The following GALNTL5 variants were observed in gnomAD, a reference collection of about 807,000 sequenced individuals.
The protein encoded by GALNTL5 is inactive polypeptide N-acetylgalactosaminyltransferase-like protein 5.
Under a neutral mutation model 51.0 loss-of-function variants are expected in GALNTL5, and 44 were observed. The ratio of observed to expected loss-of-function variants is 0.86; its 90% CI spans 0.68 to 1.11. GALNTL5 has a LOEUF of 1.11. Among genes scored for constraint, GALNTL5 ranks in the 50% least tolerant of loss-of-function variants. GALNTL5 has a pLI of 0.00. For synonymous variants in GALNTL5, 192 were observed against 182.8 expected, an observed-to-expected ratio of 1.05 and a Z score of -0.41; for missense variants, 528 against 531.8, an observed-to-expected ratio of 0.99 and a Z score of 0.07.
At chr7:151,988,880 A>G (rs2081393778) in intron 5 of GALNTL5, among the ~76,000 whole-genome samples, 1 of 151,812 alleles carries the variant, frequency 6.6e-6, no homozygotes, top group South Asian at 2.1e-4. Flanking sequence ...TTGTACTTCT[A>G]GTAGAGACGG....
intron 4 of GALNTL5, 109 bp from the exon 5 acceptor site, chr7:151,987,050 A>C (rs1586829503): frequency 1.0e-6 from 1 of 981,192 alleles, no homozygotes; most frequent in East Asian, 3.2e-5. Flanking sequence ...TTAAAGTTAG[A>C]ACTTCTGTGG....
intron 7 of GALNTL5, among the ~76,000 whole-genome samples, chr7:152,014,302 G>A (rs1274375954): frequency 5.9e-5 from 9 of 152,162 alleles, no homozygotes; most frequent in African/African-American, 1.4e-4. Flanking sequence ...ATGGAGTGTC[G>A]CTATGTTGCC....
In GALNTL5 at chr7:151,967,358, A is replaced by T. The variant is rs1279965962; in HGVS notation, c.112A>T (p.Lys38Ter). The T allele has an allele frequency of 6.2e-7, 1 of 1,614,194 alleles. No homozygotes were observed. The highest frequency in any genetic ancestry group is 8.5e-7 in the Non-Finnish European group (1 of 1,180,014). Reference protein sequence around the residue: ...HHNHVSSWQKKSQEPLSAWSP... With the variant: ...HHNHVSSWQK ...TAATCATGTGAGCAGCTGGCAGAAG[A>T]AAAGCCAGGAGCCTCTGTCAGCTTG... Residue 38 changes from lysine (K) to a stop codon, truncating the protein, a stop_gained, in exon 2 of 9, where the codon AAA (lysine) becomes TAA (stop). Transcript: ENST00000392800. LOFTEE classifies it high-confidence loss of function.
intron 1 of GALNTL5, among the ~76,000 whole-genome samples, chr7:151,962,968 A>AG (rs1190831827): frequency 2.0e-5 from 3 of 149,970 alleles, no homozygotes; most frequent in African/African-American, 7.6e-5. Flanking sequence ...GTAGTTTCCC[A>AG]AAAAAAAGAA....
intron 3 of GALNTL5, among the ~76,000 whole-genome samples, chr7:151,972,255 T>G (rs2151941553): frequency 6.6e-6 from 1 of 152,286 alleles, no homozygotes; most frequent in Non-Finnish European, 1.5e-5. Context: ...TGTTGAGAAA[T>G]GGAGTAAAGG....
rs141939181 is a variant in GALNTL5, at chr7:151,969,661, T to C, written c.248-1284T>C. On this transcript the variant is annotated intron_variant, in intron 2 of 8. Coordinates refer to ENST00000392800, the MANE Select transcript of GALNTL5 (RefSeq NM_145292.4). Reference sequence around the variant, plus strand: ...TCAAGTATGTTCTTTAGGGTCTTTCTGCTGCATTTTATTGCAGCCCACAAT... The same window carrying C: ...TCAAGTATGTTCTTTAGGGTCTTTCCGCTGCATTTTATTGCAGCCCACAAT... Among the ~76,000 whole-genome samples the C allele has an allele frequency of 4.8e-3, 733 of 152,310 alleles. 8 individuals carry two copies. The highest frequency in any genetic ancestry group is 0.016 in the African/African-American group (651 of 41,558).
chr7:151,981,174 AC>A (rs1327347044), intron 3 of GALNTL5, among the ~76,000 whole-genome samples: 9 of 152,256 alleles, frequency 5.9e-5, no homozygotes, highest in African/African-American at 2.2e-4. Flanking sequence ...GTAAAGTCCC[AC>A]CAGTTTCTCC....
chr7:151,967,415 A>G lies in GALNTL5; in HGVS notation c.169A>G (p.Ile57Val). Residue 57 changes from isoleucine (I) to valine (V), a missense_variant, in exon 2 of 9, where the codon ATC becomes GTC. Transcript: ENST00000392800. ...TGGAAAAAAAGTGCATCAGCAAATT[A>G]TCTATGGCTCAGAGCAAATACCAAA... ...SPGKKVHQQI[I>V]YGSEQIPKPH... is the part of the protein sequence containing the mutation. The G allele has an allele frequency of 6.2e-7, 1 of 1,614,176 alleles. No homozygotes were observed. The highest frequency in any genetic ancestry group is 8.5e-7 in the Non-Finnish European group (1 of 1,180,016).
rs368140532 is a variant in GALNTL5, at chr7:152,012,055, G to A, written c.1027-2589G>A. ...TGATTATCATTCTAGGAGTAGCAGC[G>A]ACTCACAGCATATCCTTCTCATGCT... On this transcript the variant is annotated intron_variant, in intron 7 of 8. Transcript: ENST00000392800. Among the ~76,000 whole-genome samples the A allele has an allele frequency of 3.3e-4, 50 of 152,294 alleles. 2 individuals are homozygous for A. The South Asian group carries it at 9.7e-3, about 30-fold the overall frequency.
Position 151,970,820 on chromosome 7 carries a change from A to C in GALNTL5, c.248-125A>C. 4.1e-6 allele frequency: 3 copies of C among 722,976 alleles called. No homozygotes were observed. In the Admixed American group the frequency reaches 9.4e-5, roughly 23 times the overall value. 44.8% of individuals were successfully genotyped at this position (722,976 alleles called of 1,614,324 possible). A position where few individuals can be genotyped will look rare whatever the true frequency, so the allele number is the denominator to read the frequency against. On this transcript the variant is annotated intron_variant, in intron 2 of 8. Coordinates refer to ENST00000392800, the MANE Select transcript of GALNTL5 (RefSeq NM_145292.4). ...AAGAATTATTTGACCATTTTTGCAC[A>C]GATCGATTTCCGAATTCTATTCTGG... is the stretch of plus-strand genomic sequence containing the variant.
At chr7:151,981,575 TTCCTTCCTTCCTTCCC>T (rs1395296297) in intron 3 of GALNTL5, among the ~76,000 whole-genome samples, 4,672 of 29,348 alleles carry the variant, frequency 0.16, 125 homozygotes, top group South Asian at 0.21. Flanking sequence ...CCTTCCTTCC[TTCCTTCCTTCCTTCCC>T]TCCTTCCTTC....
chr7:152,000,423 G>C (rs2081558325), intron 5 of GALNTL5, among the ~76,000 whole-genome samples: 1 of 152,228 alleles, frequency 6.6e-6, no homozygotes, highest in Non-Finnish European at 1.5e-5. Context: ...GGTCCTCAAA[G>C]TTGCTATTGC....
chr7:151,990,129 G>A (rs940561406), intron 5 of GALNTL5, among the ~76,000 whole-genome samples: 3 of 151,792 alleles, frequency 2.0e-5, no homozygotes, highest in Admixed American at 1.3e-4. Context: ...TGCAACCTTC[G>A]CCTCCTGGGT....
At chr7:151,982,856 A>G (rs2081309607) in intron 3 of GALNTL5, 130 bp from the exon 4 acceptor site, 1 of 1,570,778 alleles carries the variant, frequency 6.4e-7, no homozygotes, top group Non-Finnish European at 8.6e-7. Context: ...CTGTCACCTT[A>G]TTACCATAAT....
chr7:151,986,519 C>T (rs1182606099), intron 4 of GALNTL5, among the ~76,000 whole-genome samples: 1 of 151,932 alleles, frequency 6.6e-6, no homozygotes, highest in Admixed American at 6.6e-5. Flanking sequence ...CCTGTAGTCC[C>T]AGCTACTCAG....
At chr7:151,982,793 A>C (rs1377676509) in intron 3 of GALNTL5, 193 bp from the exon 4 acceptor site, 2 of 1,220,568 alleles carry the variant, frequency 1.6e-6, no homozygotes, top group Non-Finnish European at 2.3e-6. Context: ...AATTATTCAG[A>C]AAATATTAGA....
At chr7:151,994,537 C>T (rs927170854) in intron 5 of GALNTL5, among the ~76,000 whole-genome samples, 1 of 152,032 alleles carries the variant, frequency 6.6e-6, no homozygotes, top group Non-Finnish European at 1.5e-5. Context: ...ACCAGCTGCA[C>T]GGGCCTTCCT....
At chr7:151,964,948 G>A (rs944172998) in intron 1 of GALNTL5, among the ~76,000 whole-genome samples, 2 of 152,140 alleles carry the variant, frequency 1.3e-5, no homozygotes, top group African/African-American at 4.8e-5. Flanking sequence ...AAGACAGATG[G>A]ACCCAGACAC....
At position 151,971,025 on chromosome 7, in the gene GALNTL5, T is replaced by C. The variant is rs762554504; in HGVS notation, c.328T>C (p.Leu110=). ...YGFNVIISRS[L]GIEREVPDTR... Reference sequence around the variant, plus strand: ...ATTTAATGTGATTATCAGTAGAAGCTTGGGCATCGAAAGAGAAGTGCCAGA... The same window carrying C: ...ATTTAATGTGATTATCAGTAGAAGCCTGGGCATCGAAAGAGAAGTGCCAGA... The change falls in exon 3 of 9, where the codon TTG becomes CTG. Residue 110 remains leucine (L), a synonymous_variant. Transcript: ENST00000392800. 6.2e-6 allele frequency: 10 copies of C among 1,611,862 alleles called. No individual in the cohort carries two copies. The highest frequency in any genetic ancestry group is 1.3e-5 in the African/African-American group (1 of 74,958).
Sources: allele counts gnomAD v4.1 joint callset (sites outside exome capture counted in the v4.1 genomes callset), GRCh38; gene constraint gnomAD v4.1.1; transcripts MANE v1.5; gene names NCBI Gene and HGNC (gene_info 2026-07-23, HGNC 2026-07-21).